DNAJC16: variants seen among roughly 807,000 people sequenced by gnomAD.
The protein encoded by DNAJC16 is DnaJ heat shock protein family (Hsp40) member C16.
In DNAJC16, 76 loss-of-function variants were observed where a neutral mutation model predicts 92.7. The ratio of observed to expected loss-of-function variants is 0.82; its 90% CI spans 0.68 to 0.99. The LOEUF (loss-of-function observed/expected upper bound fraction) is 0.99, where lower values mean the gene tolerates loss of function less well. DNAJC16 is among the 50% of genes least tolerant of loss of function. DNAJC16 has a pLI of 0.00. For missense variants in DNAJC16, 869 were observed against 942.4 expected, an observed-to-expected ratio of 0.92 and a Z score of 1.02; for synonymous variants, 328 against 358.7, an observed-to-expected ratio of 0.91 and a Z score of 0.97.
chr1:15,541,410 T>C (rs933535790), intron 4 of DNAJC16, among the ~76,000 whole-genome samples: 2 of 152,236 alleles, frequency 1.3e-5, no homozygotes, highest in Non-Finnish European at 2.9e-5. Context: ...ATTTGGATTC[T>C]TGTTCTGCAA....
rs1426035930 is a variant in DNAJC16 at position 15,558,507 on chromosome 1, T to G, written c.1024-1019T>G. On this transcript the variant is annotated intron_variant, in intron 7 of 14. Transcript: ENST00000375847. ...TGGCCTTTTGTTTGTTTGTTTTTAA[T>G]TTTTTGTAGAGATGGGATCTCTCCA... 2.0e-5 allele frequency among the ~76,000 whole-genome samples: 3 copies of G among 151,636 alleles called. No homozygotes were observed. The East Asian group carries it at 5.9e-4, about 30-fold the overall frequency.
chr1:15,566,059 A>G, intron 12 of DNAJC16, 23 bp from the exon 13 acceptor site: 1 of 1,611,484 alleles, frequency 6.2e-7, no homozygotes, highest in Non-Finnish European at 8.5e-7. Flanking sequence ...TTTTTTTGTA[A>G]AACTCCTTTT....
chr1:15,540,848 C>T (rs1180334575), intron 4 of DNAJC16, among the ~76,000 whole-genome samples: 2 of 152,124 alleles, frequency 1.3e-5, no homozygotes, highest in Non-Finnish European at 2.9e-5. Context: ...CATAAATTGG[C>T]ATTCAATCTA....
In DNAJC16 at chr1:15,529,161, T is replaced by A. The variant is rs758851504; in HGVS notation, c.56T>A (p.Ile19Asn). Residue 19 changes from isoleucine (I) to asparagine (N), a missense_variant, in exon 2 of 15, where the codon ATC (isoleucine) becomes AAC (asparagine). Transcript: ENST00000375847. ...SWQFLIVLVL[I>N]LQILSALDFD... ...CAGTTCTTGATAGTTCTGGTTCTGA[T>A]CCTGCAAATTCTGTCTGCGTTGGAT... The A allele has an allele frequency of 1.9e-6, 3 of 1,614,128 alleles. No homozygotes were observed. Among genetic ancestry groups the A allele is most frequent in the Non-Finnish European group, 2.5e-6 (3 of 1,179,992 alleles).
rs759064732 is a variant in DNAJC16 at position 15,568,095 on chromosome 1, G to C, written c.2267G>C (p.Ser756Thr). The C allele has an allele frequency of 6.2e-7, 1 of 1,614,202 alleles. No individual in the cohort carries two copies. The highest frequency in any genetic ancestry group is 8.5e-7 in the Non-Finnish European group (1 of 1,180,044). Reference sequence around the variant, plus strand: ...TCCAGGCCCATCAAAGGAAAGTTGAGCAAGCTCTCTTTATGGATGGAACGC... The same window carrying C: ...TCCAGGCCCATCAAAGGAAAGTTGACCAAGCTCTCTTTATGGATGGAACGC... ...LGSRPIKGKL[S>T]KLSLWMERLL... Residue 756 changes from serine (S) to threonine (T), a missense_variant, in exon 15 of 15, where the codon AGC becomes ACC. Transcript: ENST00000375847.
chr1:15,542,452 T>G (rs141166371), intron 4 of DNAJC16: 3 of 152,330 alleles, frequency 2.0e-5, no homozygotes, highest in African/African-American at 4.8e-5. Flanking sequence ...TACCTTACCA[T>G]GTACCTCTCT....
chr1:15,553,513 C>A (rs939546835), intron 7 of DNAJC16, among the ~76,000 whole-genome samples: 1 of 152,178 alleles, frequency 6.6e-6, no homozygotes, highest in African/African-American at 2.4e-5. Flanking sequence ...GGATTACAGA[C>A]GTGAGTCACC....
rs1638802688 is a variant in DNAJC16, at chr1:15,566,169, AG to A, written c.1768del (p.Glu590LysfsTer14). ...GGAAAACTGAGCCAAGCTTCACCAA[AG>A]AAAACAGCAGGTTTCTCTAACAAAA... ...TGKTEPSFTK[E>X]NSSKIPKKGF... is the part of the protein sequence containing the mutation. On this transcript the variant is annotated frameshift_variant, in exon 13 of 15. Transcript: ENST00000375847. LOFTEE classifies it high-confidence loss of function. 1.2e-6 allele frequency: 2 copies of A among 1,613,764 alleles called. No individual in the cohort carries two copies. The highest frequency in any genetic ancestry group is 1.7e-6 in the Non-Finnish European group (2 of 1,179,976).
At chr1:15,554,128 G>A (rs1025408186) in intron 7 of DNAJC16, among the ~76,000 whole-genome samples, 4 of 152,002 alleles carry the variant, frequency 2.6e-5, no homozygotes, top group Admixed American at 1.3e-4. Context: ...GCTTCAGCCC[G>A]GGAGGTCAAG....
chr1:15,557,608 T>C (rs1209397145), intron 7 of DNAJC16, among the ~76,000 whole-genome samples: 2 of 152,192 alleles, frequency 1.3e-5, no homozygotes, highest in African/African-American at 4.8e-5. Flanking sequence ...TTTTCTATTA[T>C]GTTAATTGTA....
In DNAJC16 at chr1:15,568,189, A is replaced by G. The variant is rs1294285385; in HGVS notation, c.*12A>G. On this transcript the variant is annotated 3_prime_UTR_variant, in exon 15 of 15. Transcript: ENST00000375847. ...CTGAACTAGACTGAGAGGATTTTCC[A>G]AAGAGATTTGAACTCTTCAGACTTT... 6.3e-7 allele frequency: 1 copy of G among 1,589,568 alleles called. No homozygotes were observed. The highest frequency in any genetic ancestry group is 2.2e-5 in the East Asian group (1 of 44,578).
chr1:15,553,025 C>A (rs1195702559), intron 7 of DNAJC16, among the ~76,000 whole-genome samples: 1 of 152,034 alleles, frequency 6.6e-6, no homozygotes, highest in Non-Finnish European at 1.5e-5. Context: ...CCACCTCCGC[C>A]TCCCAAAGTG....
intron 13 of DNAJC16, 108 bp downstream of exon 13, chr1:15,566,288 A>C: frequency 1.2e-6 from 1 of 862,018 alleles, no homozygotes; most frequent in East Asian, 2.6e-5. Flanking sequence ...ACTCTCATGC[A>C]CCTCCTCCCA....
At chr1:15,561,242 C>T (rs1005961417) in intron 8 of DNAJC16, among the ~76,000 whole-genome samples, 1 of 151,964 alleles carries the variant, frequency 6.6e-6, no homozygotes, top group Non-Finnish European at 1.5e-5. Flanking sequence ...ACTAAGTGCT[C>T]AGTAAATATT....
chr1:15,529,565 T>C (rs528824838), intron 2 of DNAJC16, among the ~76,000 whole-genome samples: 1 of 152,288 alleles, frequency 6.6e-6, no homozygotes, highest in South Asian at 2.1e-4. Flanking sequence ...TTTAAAAAAA[T>C]GTATATATAG....
chr1:15,551,597 T>C (rs1389924279), intron 7 of DNAJC16, among the ~76,000 whole-genome samples: 2 of 107,664 alleles, frequency 1.9e-5, no homozygotes, highest in Non-Finnish European at 3.6e-5. Flanking sequence ...ATCAAAGTGA[T>C]GTGGTTTTTT....
At chr1:15,528,543 TAAC>T (rs1207986277) in intron 1 of DNAJC16, among the ~76,000 whole-genome samples, 1 of 152,246 alleles carries the variant, frequency 6.6e-6, no homozygotes, top group Non-Finnish European at 1.5e-5. Flanking sequence ...TACTGCGTCT[TAAC>T]TACACAGTTT....
chr1:15,545,699 C>T (rs1638284834), intron 5 of DNAJC16, among the ~76,000 whole-genome samples: 1 of 152,198 alleles, frequency 6.6e-6, no homozygotes, highest in Admixed American at 6.5e-5. Flanking sequence ...CTGTGAGGGC[C>T]TCAGAGCACC....
At chr1:15,554,999 C>A (rs1017764058) in intron 7 of DNAJC16, among the ~76,000 whole-genome samples, 4 of 147,936 alleles carry the variant, frequency 2.7e-5, no homozygotes, top group African/African-American at 9.9e-5. Flanking sequence ...CAACTTATTT[C>A]TAGGTGCCTC....
Sources: allele counts gnomAD v4.1 joint callset (sites outside exome capture counted in the v4.1 genomes callset), GRCh38; gene constraint gnomAD v4.1.1; transcripts MANE v1.5; gene names NCBI Gene and HGNC (gene_info 2026-07-23, HGNC 2026-07-21).